The following EPSTI1 variants were observed in gnomAD, a reference collection of about 807,000 sequenced individuals.
EPSTI1 encodes epithelial-stromal interaction protein 1.
EPSTI1 carries 66 observed loss-of-function variants against 49.9 expected under a neutral mutation model. The observed-to-expected ratio is 1.32, with a 90% CI of 1.08 to 1.62. The LOEUF (loss-of-function observed/expected upper bound fraction) is 1.62, where lower values mean the gene tolerates loss of function less well. Among genes scored for constraint, EPSTI1 ranks in the 40% most tolerant of loss-of-function variants. EPSTI1 has a pLI of 0.00. For missense variants in EPSTI1, 394 were observed against 365.5 expected (o/e 1.08, Z -0.64); for synonymous variants, 137 against 130.7 (o/e 1.05, Z -0.33).
intron 8 of EPSTI1, among the ~76,000 whole-genome samples, chr13:42,913,968 T>G (rs4941446): frequency 6.6e-6 from 1 of 152,134 alleles, no homozygotes; most frequent in Non-Finnish European, 1.5e-5. Context: ...CTCTCTCTCC[T>G]GTTGGCCATG....
chr13:42,907,783 CTT>C (rs1299080785), intron 8 of EPSTI1, among the ~76,000 whole-genome samples: 3 of 152,162 alleles, frequency 2.0e-5, no homozygotes, highest in African/African-American at 7.2e-5. Flanking sequence ...TACAAGTAAA[CTT>C]GGATAGAACT....
At chr13:42,961,042 C>A (rs1257266536) in intron 5 of EPSTI1, among the ~76,000 whole-genome samples, 1 of 152,278 alleles carries the variant, frequency 6.6e-6, no homozygotes, top group Middle Eastern at 3.4e-3. Flanking sequence ...CATTATTCTG[C>A]CCACTACATG....
intron 10 of EPSTI1, among the ~76,000 whole-genome samples, chr13:42,894,026 TC>T (rs2037116402): frequency 6.6e-6 from 1 of 152,208 alleles, no homozygotes; most frequent in East Asian, 1.9e-4. Flanking sequence ...AATAGACACA[TC>T]CAGGCAGTGT....
At chr13:42,951,157 CA>C (rs1236968854) in intron 6 of EPSTI1, among the ~76,000 whole-genome samples, 2 of 147,494 alleles carry the variant, frequency 1.4e-5, no homozygotes, top group South Asian at 4.5e-4. Context: ...ACTCCATTTC[CA>C]AAAAAAAGAA....
At chr13:42,951,069 A>G (rs575230209) in intron 6 of EPSTI1, among the ~76,000 whole-genome samples, 9 of 152,150 alleles carry the variant, frequency 5.9e-5, no homozygotes, top group Non-Finnish European at 1.2e-4. Flanking sequence ...AGGCTGGAGA[A>G]TCGCTTGAAC....
rs138274051 is a variant in EPSTI1 at position 42,970,217 on chromosome 13, G to C, written c.247+395C>G. On this transcript the variant is annotated intron_variant, in intron 2 of 10. Coordinates refer to ENST00000313624, the MANE Select transcript of EPSTI1 (RefSeq NM_033255.5). ...CTTTAGTTCTCTTCCACCTCTAAAGGATAATGCTATAACTTTAAATGGCAG... is the reference window on the plus strand; with the variant it reads ...CTTTAGTTCTCTTCCACCTCTAAAGCATAATGCTATAACTTTAAATGGCAG... 225 of 155,118 alleles carry C rather than the reference G, an allele frequency of 1.5e-3. 2 individuals are homozygous for C. Among genetic ancestry groups the C allele is most frequent in the African/African-American group, 5.2e-3 (218 of 41,654 alleles). The allele number at this position is 155,118 out of a possible 1,614,324, so 9.6% of individuals were successfully genotyped here.
Position 42,922,608 on chromosome 13 carries a change from C to T in EPSTI1, c.657+3728G>A, listed in dbSNP as rs1400104746. Among the ~76,000 whole-genome samples, 1 of 152,090 alleles carries T rather than the reference C, an allele frequency of 6.6e-6. No homozygotes were observed. Among genetic ancestry groups the T allele is most frequent in the African/African-American group, 2.4e-5 (1 of 41,406 alleles). ...AGTGTTAAGAGAATAAATTTTTGTT[C>T]TATTAGGTCACTACATTCGTGGTAA... is the stretch of plus-strand genomic sequence containing the variant. On this transcript the variant is annotated intron_variant, in intron 7 of 10. Coordinates refer to ENST00000313624, the MANE Select transcript of EPSTI1 (RefSeq NM_033255.5). This position sits in a 1 kb window ranked among gnomAD's most constrained non-coding sequence, Gnocchi z 4.8.
chr13:42,893,671 C>A (rs1046489094), intron 10 of EPSTI1, among the ~76,000 whole-genome samples: 1 of 152,186 alleles, frequency 6.6e-6, no homozygotes, highest in African/African-American at 2.4e-5. Flanking sequence ...ATGCAATATC[C>A]ATTTATGCTC....
At chr13:42,924,274 T>C (rs770380403) in intron 7 of EPSTI1, among the ~76,000 whole-genome samples, 9 of 152,226 alleles carry the variant, frequency 5.9e-5, no homozygotes, top group Non-Finnish European at 1.2e-4. Flanking sequence ...GTGGAGTTTA[T>C]AAGGAACCGT....
chr13:42,928,717 T>C (rs578050572), intron 6 of EPSTI1, among the ~76,000 whole-genome samples: 90 of 152,338 alleles, frequency 5.9e-4, no homozygotes, highest in Non-Finnish European at 4.9e-4. Flanking sequence ...GACTGCTAAA[T>C]GGTCATGAAA....
At chr13:42,979,329 A>G (rs2153435151) in intron 1 of EPSTI1, among the ~76,000 whole-genome samples, 1 of 152,370 alleles carries the variant, frequency 6.6e-6, no homozygotes, top group South Asian at 2.1e-4. Context: ...CTGTAATCCC[A>G]GCACTTTGGG....
intron 6 of EPSTI1, among the ~76,000 whole-genome samples, chr13:42,953,424 A>G (rs2039162689): frequency 6.6e-6 from 1 of 152,256 alleles, no homozygotes; most frequent in Non-Finnish European, 1.5e-5. Flanking sequence ...TAAAGCATGT[A>G]GTAGTTGCCC....
chr13:42,992,000 C>G lies in EPSTI1; in HGVS notation c.166G>C (p.Val56Leu), dbSNP rs775827696. 6.2e-7 allele frequency: 1 copy of G among 1,613,394 alleles called. No individual in the cohort carries two copies. Among genetic ancestry groups the G allele is most frequent in the Non-Finnish European group, 8.5e-7 (1 of 1,180,038 alleles). Reference sequence around the variant, plus strand: ...CACCGCCTCTGGCCCGCGTGCACGACGCTCTCCCGCGAAGGGCCCTTAGGG... The same window carrying G: ...CACCGCCTCTGGCCCGCGTGCACGAGGCTCTCCCGCGAAGGGCCCTTAGGG... ...AAPKGPSRESVVHAGQRRTSA... is the reference protein window; with the variant it reads ...AAPKGPSRESLVHAGQRRTSA... Residue 56 changes from valine to leucine, a missense_variant, in exon 1 of 11, where the codon GTC (valine) becomes CTC (leucine). Coordinates refer to ENST00000313624, the MANE Select transcript of EPSTI1 (RefSeq NM_033255.5).
At chr13:42,946,606 T>C (rs1018180020) in intron 6 of EPSTI1, among the ~76,000 whole-genome samples, 1 of 152,196 alleles carries the variant, frequency 6.6e-6, no homozygotes, top group Admixed American at 6.5e-5. Context: ...TACTTTTGCC[T>C]ATTCTAGCAA....
intron 1 of EPSTI1, 28 bp downstream of exon 1, chr13:42,991,950 C>T: frequency 6.2e-7 from 1 of 1,612,502 alleles, no homozygotes; most frequent in Non-Finnish European, 8.5e-7. Flanking sequence ...GGGCTCCCGC[C>T]CCGAAGCCAG....
intron 6 of EPSTI1, among the ~76,000 whole-genome samples, chr13:42,944,634 G>A (rs9525711): frequency 0.33 from 50,258 of 152,020 alleles, 8,778 homozygotes; most frequent in East Asian, 0.57. Context: ...AAAGCTGCGC[G>A]TTCTTCACAT....
intron 8 of EPSTI1, among the ~76,000 whole-genome samples, chr13:42,908,970 G>A (rs185115725): frequency 4.6e-5 from 7 of 151,170 alleles, no homozygotes; most frequent in East Asian, 1.9e-4. Flanking sequence ...GTGGGCGCCT[G>A]TAATCCCAGC....
rs1478060734 is a variant in EPSTI1, at chr13:42,968,950, ACAC to A, written c.331+141_331+143del. 7.7e-4 allele frequency: 568 copies of A among 734,970 alleles called. 6 individuals carry two copies. In the African/African-American group the frequency reaches 9.4e-3, roughly 12 times the overall value. The allele number at this position is 734,970 out of a possible 1,614,324, so 45.5% of individuals were successfully genotyped here. On this transcript the variant is annotated intron_variant, in intron 3 of 10. Coordinates refer to ENST00000313624, the MANE Select transcript of EPSTI1 (RefSeq NM_033255.5). ...CACACACACACACACACACACACACACACAATTAAATGCATTCCACCCAAGCAG... is the reference window on the plus strand; with the variant it reads ...CACACACACACACACACACACACACAAATTAAATGCATTCCACCCAAGCAG...
chr13:42,951,457 T>C (rs1456202925), intron 6 of EPSTI1, among the ~76,000 whole-genome samples: 1 of 152,236 alleles, frequency 6.6e-6, no homozygotes. Context: ...AACTCTGTTT[T>C]TCCTGGTTAA....
Sources: gnomAD v4.1 joint callset for allele counts (sites outside exome capture counted in the v4.1 genomes callset) on GRCh38, gnomAD v4.1.1 for gene constraint, Gnocchi (gnomAD v3.1) non-coding constraint, MANE v1.5 for transcripts, NCBI Gene and HGNC (gene_info 2026-07-23, HGNC 2026-07-21) for gene names.